Variants in RELN observed in about 807,000 individuals in gnomAD.
RELN encodes the protein reelin.
Under a neutral mutation model 427.6 loss-of-function variants are expected in RELN, and 108 were observed. The ratio of observed to expected loss-of-function variants is 0.25; its 90% CI spans 0.22 to 0.30. The LOEUF (loss-of-function observed/expected upper bound fraction) is 0.30. Ranked by LOEUF, RELN falls within the 10% of genes least tolerant of loss-of-function variation. The pLI is 1.00. For synonymous variants in RELN, 1,524 were observed against 1,513.4 expected (o/e 1.01, Z -0.16); for missense variants, 3,715 against 4,302.8 (o/e 0.86, Z 3.82).
chr7:103,730,887 T>C (rs1344147181), intron 6 of RELN, among the ~76,000 whole-genome samples: 2 of 152,164 alleles, frequency 1.3e-5, no homozygotes, highest in East Asian at 3.8e-4. Context: ...AATGGTGTTA[T>C]TTATTCATCC....
chr7:103,779,611 A>G (rs1354078564), intron 3 of RELN, among the ~76,000 whole-genome samples: 2 of 152,198 alleles, frequency 1.3e-5, no homozygotes, highest in Non-Finnish European at 2.9e-5. Flanking sequence ...GTTTGAGTGT[A>G]GAGTCTTTGC....
chr7:103,926,523 G>A (rs1795740246), intron 1 of RELN, among the ~76,000 whole-genome samples: 1 of 150,336 alleles, frequency 6.7e-6, no homozygotes, highest in Admixed American at 6.6e-5. Context: ...TCGTGCGTAT[G>A]TCATACATCT....
At chr7:103,610,601 T>G (rs1831927638) in intron 22 of RELN, 94 bp downstream of exon 22, 17 of 765,258 alleles carry the variant, frequency 2.2e-5, no homozygotes, top group South Asian at 2.2e-4. Flanking sequence ...CTTGCCTTCA[T>G]ATTCAAGTCA....
At position 103,690,552 on chromosome 7, in the gene RELN, C is replaced by T. The variant is rs539844398; in HGVS notation, c.1143+7301G>A. ...GAATAGGAGCAGCTGGAAAAAAATACTTGATTATTCTAGAAATCATATACA... is the reference window on the plus strand; with the variant it reads ...GAATAGGAGCAGCTGGAAAAAAATATTTGATTATTCTAGAAATCATATACA... On this transcript the variant is annotated intron_variant, in intron 10 of 64. Coordinates refer to ENST00000428762, the MANE Select transcript of RELN (RefSeq NM_005045.4). Among the ~76,000 whole-genome samples, 117 of 152,222 alleles carry T rather than the reference C, an allele frequency of 7.7e-4. 1 individual carries two copies. The highest frequency in any genetic ancestry group is 2.7e-3 in the African/African-American group (111 of 41,532).
intron 48 of RELN, among the ~76,000 whole-genome samples, chr7:103,520,680 A>G (rs35068963): frequency 0.27 from 41,470 of 152,142 alleles, 5,797 homozygotes; most frequent in East Asian, 0.47. Flanking sequence ...ACACTTTAGC[A>G]GAATTTAATG....
At chr7:103,667,315 T>A (rs976099533) in intron 11 of RELN, among the ~76,000 whole-genome samples, 1 of 152,208 alleles carries the variant, frequency 6.6e-6, no homozygotes, top group Non-Finnish European at 1.5e-5. Flanking sequence ...GACGATGTCA[T>A]CTTTCAAATC....
At chr7:103,957,571 C>T (rs560198363) in intron 1 of RELN, among the ~76,000 whole-genome samples, 46 of 152,290 alleles carry the variant, frequency 3.0e-4, no homozygotes, top group African/African-American at 1.1e-3. Context: ...CCTGGTCACA[C>T]GCACATGCTC....
At chr7:103,642,753 T>A (rs946110576) in intron 16 of RELN, among the ~76,000 whole-genome samples, 1 of 152,150 alleles carries the variant, frequency 6.6e-6, no homozygotes, top group East Asian at 1.9e-4. Flanking sequence ...TCTAAACCAC[T>A]TTGATGATTA....
chr7:103,625,462 G>T (rs777852026), intron 20 of RELN, among the ~76,000 whole-genome samples: 1 of 152,096 alleles, frequency 6.6e-6, no homozygotes, highest in Non-Finnish European at 1.5e-5. Flanking sequence ...GCAAAATAAC[G>T]TCTGTTAGCT....
intron 61 of RELN, 38 bp from the exon 62 acceptor site, chr7:103,483,888 T>C (rs1828331692): frequency 6.3e-7 from 1 of 1,588,512 alleles, no homozygotes; most frequent in Admixed American, 1.7e-5. Context: ...TTTTTATTTA[T>C]TTATTTTTTG....
chr7:103,857,711 CT>C (rs1793979008), intron 2 of RELN, among the ~76,000 whole-genome samples: 1 of 152,188 alleles, frequency 6.6e-6, no homozygotes, highest in Admixed American at 6.6e-5. Context: ...CAGCTGACAT[CT>C]AAGTGCTCCT....
chr7:103,482,806 A>T, intron 63 of RELN, 67 bp downstream of exon 63: 1 of 1,612,586 alleles, frequency 6.2e-7, no homozygotes, highest in Non-Finnish European at 8.5e-7. Flanking sequence ...ATTAAGGGTC[A>T]TGCTATATCA....
At chr7:103,705,906 T>G (rs1452786047) in intron 8 of RELN, among the ~76,000 whole-genome samples, 1 of 152,256 alleles carries the variant, frequency 6.6e-6, no homozygotes, top group Non-Finnish European at 1.5e-5. Context: ...TGGTGCATTC[T>G]ATTTAATGAA....
At chr7:103,826,358 GTA>G (rs1554426235) in intron 3 of RELN, among the ~76,000 whole-genome samples, 25 of 149,574 alleles carry the variant, frequency 1.7e-4, no homozygotes, top group Admixed American at 4.7e-4. Context: ...GTGTGTGTGT[GTA>G]TACACATACA....
intron 24 of RELN, among the ~76,000 whole-genome samples, chr7:103,601,896 G>T (rs965319014): frequency 1.3e-5 from 2 of 151,976 alleles, no homozygotes; most frequent in Non-Finnish European, 2.9e-5. Context: ...GCCTAATCTG[G>T]TGCTACCACT....
chr7:103,898,395 T>C (rs1484689661), intron 2 of RELN, among the ~76,000 whole-genome samples: 2 of 152,102 alleles, frequency 1.3e-5, no homozygotes, highest in Admixed American at 1.3e-4. Flanking sequence ...TTTCCTATCA[T>C]AGTGTTTTGA....
intron 36 of RELN, among the ~76,000 whole-genome samples, chr7:103,560,403 G>C (rs1312158758): frequency 6.6e-6 from 1 of 152,090 alleles, no homozygotes; most frequent in Non-Finnish European, 1.5e-5. Flanking sequence ...TATAATGCTT[G>C]GCTGCTCTTG....
chr7:103,828,412 G>C lies in RELN; in HGVS notation c.473+5125C>G, dbSNP rs1047397196. ...GATCCTCCTGTGAGTGATCCTTCTT[G>C]CTGACCTAAGTTCATTATTTGTCCA... On this transcript the variant is annotated intron_variant, in intron 3 of 64. Coordinates refer to ENST00000428762, the MANE Select transcript of RELN (RefSeq NM_005045.4). Among the ~76,000 whole-genome samples the C allele has an allele frequency of 2.7e-5, 4 of 149,774 alleles. No individual in the cohort carries two copies. The South Asian group carries it at 8.4e-4, about 31-fold the overall frequency.
intron 57 of RELN, among the ~76,000 whole-genome samples, chr7:103,492,463 G>C (rs547916543): frequency 6.6e-6 from 1 of 151,856 alleles, no homozygotes; most frequent in African/African-American, 2.4e-5. Flanking sequence ...TCGTTCTTGG[G>C]GTTTTCTGTA....
Sources: gnomAD v4.1 joint callset for allele counts (sites outside exome capture counted in the v4.1 genomes callset) on GRCh38, gnomAD v4.1.1 for gene constraint, MANE v1.5 for transcripts, NCBI Gene and HGNC (gene_info 2026-07-23, HGNC 2026-07-21) for gene names.